POFUT3: variants seen among roughly 807,000 people sequenced by gnomAD.
POFUT3 encodes the protein GDP-fucose protein O-fucosyltransferase 3.
At chr8:33,451,474 G>GTATATA in the POFUT3 span, among the ~76,000 whole-genome samples, 1 of 151,864 alleles carries the variant, frequency 6.6e-6, no homozygotes, top group African/African-American at 2.4e-5. Flanking sequence ...GTATATGTGT[G>GTATATA]TGTATATGCA....
At chr8:33,309,147 A>T in the POFUT3 span, among the ~76,000 whole-genome samples, 19 of 40,768 alleles carry the variant, frequency 4.7e-4, no homozygotes, top group East Asian at 4.6e-3. Flanking sequence ...GTAAAAAAAA[A>T]AAAAAAAAAA....
chr8:33,416,842 AAAAAAAAAGAAAG>A, the POFUT3 span, among the ~76,000 whole-genome samples: 1 of 151,676 alleles, frequency 6.6e-6, no homozygotes, highest in Non-Finnish European at 1.5e-5. Context: ...AAAAAAAAAA[AAAAAAAAAGAAAG>A]AAAGAAAAGA....
At chr8:33,460,681 A>C in the POFUT3 span, 1 of 975,856 alleles carries the variant, frequency 1.0e-6, no homozygotes, top group Non-Finnish European at 1.2e-6. Flanking sequence ...GTTTCTCTAC[A>C]ACCAGGAGCT....
At chr8:33,422,474 G>C in the POFUT3 span, among the ~76,000 whole-genome samples, 1 of 148,248 alleles carries the variant, frequency 6.7e-6, no homozygotes, top group Admixed American at 6.8e-5. Flanking sequence ...GAACCCAGGA[G>C]GCAGAGGTTG....
chr8:33,461,745 T>TTTG, the POFUT3 span: 3 of 1,062,722 alleles, frequency 2.8e-6, no homozygotes, highest in Non-Finnish European at 3.8e-6. Context: ...AAGATCATCT[T>TTTG]TTAGCCATAG....
the POFUT3 span, among the ~76,000 whole-genome samples, chr8:33,401,298 C>T: frequency 1.3e-5 from 2 of 152,046 alleles, no homozygotes; most frequent in Non-Finnish European, 2.9e-5. Flanking sequence ...GACTCATATT[C>T]TCTTGTCAAA....
chr8:33,340,198 T>C, the POFUT3 span, among the ~76,000 whole-genome samples: 220 of 152,108 alleles, frequency 1.4e-3, 1 homozygote, highest in African/African-American at 5.1e-3. Flanking sequence ...TGTGATGTAA[T>C]ATCTTAAAAA....
At chr8:33,434,741 T>C in the POFUT3 span, among the ~76,000 whole-genome samples, 3 of 151,802 alleles carry the variant, frequency 2.0e-5, no homozygotes, top group African/African-American at 7.3e-5. Flanking sequence ...GTTCCAACCC[T>C]CCCTAGAGCG....
the POFUT3 span, among the ~76,000 whole-genome samples, chr8:33,362,015 A>G: frequency 6.6e-6 from 1 of 152,212 alleles, no homozygotes; most frequent in Non-Finnish European, 1.5e-5. Flanking sequence ...GGGCAGCTAG[A>G]GAGAAAGGTT....
chr8:33,342,777 G>A, the POFUT3 span, among the ~76,000 whole-genome samples: 3 of 152,054 alleles, frequency 2.0e-5, no homozygotes, highest in African/African-American at 4.8e-5. Context: ...TGCAGTTACC[G>A]TATGACTCAG....
chr8:33,350,704 T>C, the POFUT3 span, among the ~76,000 whole-genome samples: 242 of 152,178 alleles, frequency 1.6e-3, 1 homozygote, highest in Non-Finnish European at 2.7e-3. Context: ...CAGTGGAAAA[T>C]TGATCATATA....
the POFUT3 span, among the ~76,000 whole-genome samples, chr8:33,427,114 T>G: frequency 6.6e-6 from 1 of 152,198 alleles, no homozygotes; most frequent in African/African-American, 2.4e-5. Context: ...TTGGCCCAGG[T>G]GCTCACTTTA....
chr8:33,399,981 A>G, the POFUT3 span, among the ~76,000 whole-genome samples: 1 of 151,990 alleles, frequency 6.6e-6, no homozygotes, highest in Admixed American at 6.6e-5. Flanking sequence ...GAAGATACCC[A>G]TTTGCTATTG....
the POFUT3 span, among the ~76,000 whole-genome samples, chr8:33,359,273 T>C: frequency 1.3e-5 from 2 of 152,244 alleles, no homozygotes; most frequent in African/African-American, 4.8e-5. Context: ...CAAAAAAAGA[T>C]GTTGTGGGAA....
the POFUT3 span, among the ~76,000 whole-genome samples, chr8:33,356,301 G>A: frequency 5.9e-5 from 9 of 151,986 alleles, no homozygotes; most frequent in African/African-American, 1.7e-4. Flanking sequence ...GTGTAAAAGT[G>A]TTCCTATTTC....
chr8:33,453,319 C>A, the POFUT3 span: 1 of 1,614,186 alleles, frequency 6.2e-7, no homozygotes, highest in South Asian at 1.1e-5. Context: ...CAGTCTCCCC[C>A]GTCAGCGGGG....
chr8:33,335,578 T>TA, the POFUT3 span, among the ~76,000 whole-genome samples: 1 of 152,180 alleles, frequency 6.6e-6, no homozygotes, highest in South Asian at 2.1e-4. Context: ...TTGACTAATG[T>TA]AGGGGTTAGG....
chr8:33,461,401 C>T, the POFUT3 span: 1 of 1,612,842 alleles, frequency 6.2e-7, no homozygotes, highest in South Asian at 1.1e-5. Context: ...AAGACGGTGG[C>T]TGTGACGCAC....
chr8:33,465,439 G>A, the POFUT3 span, among the ~76,000 whole-genome samples: 1 of 151,354 alleles, frequency 6.6e-6, no homozygotes, highest in African/African-American at 2.4e-5. Context: ...TAGAGAGAGA[G>A]AGAGAGAGAG....
Sources: allele counts gnomAD v4.1 joint callset (sites outside exome capture counted in the v4.1 genomes callset), GRCh38; gene constraint gnomAD v4.1.1; transcripts MANE v1.5; gene names NCBI Gene and HGNC (gene_info 2026-07-23, HGNC 2026-07-21).